The following FRMD4A variants were observed in gnomAD, a reference collection of about 807,000 sequenced individuals.
FRMD4A encodes the protein FERM domain-containing protein 4A.
Under a neutral mutation model 129.1 loss-of-function variants are expected in FRMD4A, and 29 were observed. The ratio of observed to expected loss-of-function variants is 0.22; its 90% CI spans 0.17 to 0.31. The LOEUF is 0.31. FRMD4A is among the 10% of genes least tolerant of loss of function. The probability of loss-of-function intolerance (pLI) is 1.00; values close to 1 mark genes in which losing one functional copy is unlikely to be tolerated. For missense variants in FRMD4A, 1,272 were observed against 1,375.8 expected, an observed-to-expected ratio of 0.92 and a Z score of 1.19; for synonymous variants, 634 against 571.6, an observed-to-expected ratio of 1.11 and a Z score of -1.56.
At chr10:13,786,533 G>A (rs1485363582) in intron 5 of FRMD4A, among the ~76,000 whole-genome samples, 2 of 152,184 alleles carry the variant, frequency 1.3e-5, no homozygotes, top group Non-Finnish European at 2.9e-5. Context: ...TTGAACCTGG[G>A]AGGCGGAGGT....
chr10:14,128,040 CTTTCCCT>C lies in FRMD4A; in HGVS notation c.45+202011_45+202017del, dbSNP rs1564319892. ...CCTTCCTTCCTTCCTTCCTTCCTTT[CTTTCCCT>C]CTTTCTTTCTTTCTTTCTTTCTTTC... On this transcript the variant is annotated intron_variant, in intron 2 of 24. Transcript: ENST00000357447. 7.3e-3 allele frequency among the ~76,000 whole-genome samples: 904 copies of C among 123,424 alleles called. 7 individuals carry two copies. The highest frequency in any genetic ancestry group is 8.7e-3 in the Non-Finnish European group (521 of 59,706). The allele number at this position is 123,424 out of a possible 152,430, so 81.0% of individuals were successfully genotyped here.
At position 13,988,499 on chromosome 10, in the gene FRMD4A, T is replaced by A. The variant is rs2095590518; in HGVS notation, c.46-129587A>T. Among the ~76,000 whole-genome samples the A allele has an allele frequency of 1.3e-5, 2 of 151,276 alleles. 1 individual carries two copies. The highest frequency in any genetic ancestry group is 3.9e-4 in the East Asian group (2 of 5,194). ...GTTTCTCTTTGAGTGGGTTGTACAGTCACTACTAATTTTGTCTAAGTGTTT... is the reference window on the plus strand; with the variant it reads ...GTTTCTCTTTGAGTGGGTTGTACAGACACTACTAATTTTGTCTAAGTGTTT... On this transcript the variant is annotated intron_variant, in intron 2 of 24. Coordinates refer to ENST00000357447, the MANE Select transcript of FRMD4A (RefSeq NM_018027.5).
intron 2 of FRMD4A, among the ~76,000 whole-genome samples, chr10:14,304,994 C>T (rs1239647048): frequency 6.6e-6 from 1 of 152,182 alleles, no homozygotes; most frequent in Non-Finnish European, 1.5e-5. Context: ...TGCATTGCTT[C>T]CCCACTTCCC....
intron 2 of FRMD4A, among the ~76,000 whole-genome samples, chr10:14,307,694 G>A (rs1016918977): frequency 6.6e-6 from 1 of 152,204 alleles, no homozygotes; most frequent in Admixed American, 6.5e-5. Flanking sequence ...GAAATAAGGA[G>A]AAGAGATTGG....
chr10:14,280,141 G>A (rs185199023), intron 2 of FRMD4A, among the ~76,000 whole-genome samples: 50 of 152,214 alleles, frequency 3.3e-4, no homozygotes, highest in Admixed American at 3.9e-4. Flanking sequence ...TTTTAGGGAC[G>A]ATGCTGGCCA....
intron 2 of FRMD4A, among the ~76,000 whole-genome samples, chr10:14,058,849 C>T (rs1242771365): frequency 3.3e-5 from 5 of 152,136 alleles, no homozygotes; most frequent in Admixed American, 3.3e-4. Flanking sequence ...AATGCAACAT[C>T]CAGCACTCAG....
intron 2 of FRMD4A, among the ~76,000 whole-genome samples, chr10:14,195,715 A>G (rs1399651559): frequency 6.6e-6 from 1 of 152,244 alleles, no homozygotes; most frequent in African/African-American, 2.4e-5. Flanking sequence ...TTCAGAGACC[A>G]AAATGAAACC....
At chr10:14,208,390 T>A (rs1189581779) in intron 2 of FRMD4A, among the ~76,000 whole-genome samples, 1 of 152,046 alleles carries the variant, frequency 6.6e-6, no homozygotes, top group South Asian at 2.1e-4. Flanking sequence ...ACAGAAAATG[T>A]CATTAGCACA....
intron 2 of FRMD4A, among the ~76,000 whole-genome samples, chr10:14,089,768 A>C (rs1836551059): frequency 6.6e-6 from 1 of 152,126 alleles, no homozygotes; most frequent in Admixed American, 6.5e-5. Context: ...TGGAGTTATC[A>C]GATGGGACTG....
At chr10:13,864,582 T>C (rs1049703170) in intron 2 of FRMD4A, among the ~76,000 whole-genome samples, 6 of 150,134 alleles carry the variant, frequency 4.0e-5, no homozygotes, top group African/African-American at 9.7e-5. Flanking sequence ...TCTTTCTTTT[T>C]TTTTTTTTTT....
intron 2 of FRMD4A, among the ~76,000 whole-genome samples, chr10:14,217,826 C>T (rs1229302064): frequency 6.6e-6 from 1 of 151,952 alleles, no homozygotes; most frequent in African/African-American, 2.4e-5. Flanking sequence ...TTTTTACTCT[C>T]TCTCTCTTTT....
At chr10:13,723,445 G>A (rs1279438477) in intron 12 of FRMD4A, among the ~76,000 whole-genome samples, 1 of 152,196 alleles carries the variant, frequency 6.6e-6, no homozygotes, top group East Asian at 1.9e-4. Context: ...CAGCAGATGG[G>A]GGGAGAGAAA....
intron 2 of FRMD4A, among the ~76,000 whole-genome samples, chr10:14,124,889 C>A (rs940481775): frequency 6.6e-6 from 1 of 152,146 alleles, no homozygotes; most frequent in Non-Finnish European, 1.5e-5. Flanking sequence ...TCTAGCTGAG[C>A]CCTTCCTTGG....
At chr10:13,796,419 T>C in intron 5 of FRMD4A, 77 bp downstream of exon 5, 1 of 774,938 alleles carries the variant, frequency 1.3e-6, no homozygotes, top group Non-Finnish European at 2.3e-6. Flanking sequence ...TCTCTTTCCT[T>C]GGAATCACTC....
chr10:14,104,566 C>T (rs948707650), intron 2 of FRMD4A, among the ~76,000 whole-genome samples: 9 of 152,308 alleles, frequency 5.9e-5, no homozygotes, highest in Middle Eastern at 3.4e-3. Flanking sequence ...ACGGTGGCCC[C>T]GCTCAGTGGC....
intron 2 of FRMD4A, among the ~76,000 whole-genome samples, chr10:14,028,122 T>C (rs1461256641): frequency 6.6e-6 from 1 of 152,250 alleles, no homozygotes; most frequent in Non-Finnish European, 1.5e-5. Context: ...ATATTCTAAC[T>C]ACCTGTTATA....
intron 2 of FRMD4A, among the ~76,000 whole-genome samples, chr10:14,133,448 G>A (rs770697773): frequency 6.6e-6 from 1 of 152,182 alleles, no homozygotes; most frequent in Non-Finnish European, 1.5e-5. Context: ...CCTTATGCAT[G>A]ACAGCACCCT....
At chr10:13,693,877 C>G (rs948502203) in intron 15 of FRMD4A, 21 bp downstream of exon 15, 7 of 1,607,190 alleles carry the variant, frequency 4.4e-6, no homozygotes, top group Non-Finnish European at 5.9e-6. Context: ...GGGGGCGTCC[C>G]TCCAGCTGGC....
chr10:13,801,515 C>A (rs2093253816), intron 4 of FRMD4A, among the ~76,000 whole-genome samples: 1 of 152,164 alleles, frequency 6.6e-6, no homozygotes. Context: ...GGAAGGAGGT[C>A]AGCTGCCTCC....
Sources: allele counts gnomAD v4.1 joint callset (sites outside exome capture counted in the v4.1 genomes callset), GRCh38; gene constraint gnomAD v4.1.1; transcripts MANE v1.5; gene names NCBI Gene and HGNC (gene_info 2026-07-23, HGNC 2026-07-21).